NXPE4: variants seen among roughly 807,000 people sequenced by gnomAD.
NXPE4 encodes neurexophilin and PC-esterase domain family member 4.
NXPE4 carries 42 observed loss-of-function variants against 33.3 expected under a neutral mutation model. The ratio of observed to expected loss-of-function variants is 1.26; its 90% CI spans 0.98 to 1.63. NXPE4 has a LOEUF of 1.63. Ranked by LOEUF, NXPE4 falls within the 40% of genes most tolerant of loss-of-function variation. NXPE4 has a pLI of 0.00. For missense variants in NXPE4, 709 were observed against 647.6 expected (o/e 1.09, Z -1.03); for synonymous variants, 253 against 234.9 (o/e 1.08, Z -0.71).
the NXPE4 span, among the ~76,000 whole-genome samples, chr11:114,609,278 C>A: frequency 6.6e-6 from 1 of 151,890 alleles, no homozygotes; most frequent in African/African-American, 2.4e-5. Flanking sequence ...TCATTGGTAA[C>A]CACTGTTACC....
chr11:114,582,995 G>A lies in NXPE4; in HGVS notation c.123C>T (p.Ile41=). ...TKVWSALNLS[I]SLHYWNNSTK... ...TGGAGTTGTTCCAGTAATGGAGGGA[G>A]ATGGATAAGTTTAGAGCAGACCAAA... is the stretch of plus-strand genomic sequence containing the variant. Residue 41 remains isoleucine (I), a synonymous_variant, in exon 3 of 6, where the codon ATC becomes ATT. Transcript: ENST00000375478. 4 of 1,613,170 alleles carry A rather than the reference G, an allele frequency of 2.5e-6. No homozygotes were observed. The highest frequency in any genetic ancestry group is 3.4e-6 in the Non-Finnish European group (4 of 1,179,834).
At chr11:114,624,180 T>A in the NXPE4 span, among the ~76,000 whole-genome samples, 10 of 151,944 alleles carry the variant, frequency 6.6e-5, no homozygotes, top group Admixed American at 6.6e-4. Context: ...TGGTAGATAA[T>A]AACTATTGCC....
In NXPE4 at chr11:114,570,985, G is replaced by A. The variant is rs777122541; in HGVS notation, c.1588C>T (p.His530Tyr). The change falls in exon 6 of 6, where the codon CAT becomes TAT. Residue 530 changes from histidine to tyrosine, a missense_variant. Coordinates refer to ENST00000375478, the MANE Select transcript of NXPE4 (RefSeq NM_001077639.2). ...YGTNNVHPPQ[H>Y]VVGNQINILL... ...ATATTAATCTGATTTCCGACTACATGTTGAGGTGGGTGTACATTATTTGTG... is the reference window on the plus strand; with the variant it reads ...ATATTAATCTGATTTCCGACTACATATTGAGGTGGGTGTACATTATTTGTG... The A allele has an allele frequency of 6.2e-7, 1 of 1,611,222 alleles. No individual in the cohort carries two copies. The highest frequency in any genetic ancestry group is 1.1e-5 in the South Asian group (1 of 90,922).
the NXPE4 span, among the ~76,000 whole-genome samples, chr11:114,620,358 C>T: frequency 6.0e-5 from 9 of 151,158 alleles, no homozygotes; most frequent in East Asian, 2.0e-4. Flanking sequence ...CCACTGTTAC[C>T]GGTGGAAAAT....
the NXPE4 span, among the ~76,000 whole-genome samples, chr11:114,649,038 T>C: frequency 6.6e-6 from 1 of 152,170 alleles, no homozygotes; most frequent in Non-Finnish European, 1.5e-5. Context: ...ACAGTCCTTG[T>C]TTATGTAACT....
the NXPE4 span, among the ~76,000 whole-genome samples, chr11:114,601,645 A>AATTATAT: frequency 1.3e-5 from 1 of 76,000 alleles, no homozygotes. Flanking sequence ...AATTATATAT[A>AATTATAT]ATTATATATT....
At chr11:114,659,755 G>A in the NXPE4 span, among the ~76,000 whole-genome samples, 3 of 152,068 alleles carry the variant, frequency 2.0e-5, no homozygotes, top group African/African-American at 4.8e-5. Flanking sequence ...AATCTTTCAT[G>A]TTAAGAAACT....
the NXPE4 span, among the ~76,000 whole-genome samples, chr11:114,663,058 C>A: frequency 1.8e-4 from 28 of 152,282 alleles, no homozygotes; most frequent in East Asian, 5.0e-3. Flanking sequence ...CTGCACCAGA[C>A]AGGAGCCCAT....
the NXPE4 span, among the ~76,000 whole-genome samples, chr11:114,633,609 C>T: frequency 1.3e-5 from 2 of 151,116 alleles, no homozygotes; most frequent in East Asian, 3.9e-4. Context: ...GCTATCCCTC[C>T]CACCCTGCCC....
chr11:114,604,570 G>T, the NXPE4 span, among the ~76,000 whole-genome samples: 1 of 151,962 alleles, frequency 6.6e-6, no homozygotes, highest in Non-Finnish European at 1.5e-5. Flanking sequence ...TTACCTGGTG[G>T]ATGATAAATA....
chr11:114,633,363 T>C, the NXPE4 span, among the ~76,000 whole-genome samples: 13 of 143,662 alleles, frequency 9.0e-5, no homozygotes, highest in African/African-American at 2.5e-4. Flanking sequence ...TTATATATAC[T>C]ATATAATATA....
the NXPE4 span, among the ~76,000 whole-genome samples, chr11:114,674,158 G>A: frequency 1.3e-5 from 2 of 151,680 alleles, no homozygotes; most frequent in South Asian, 2.1e-4. Context: ...GAATTAAAAT[G>A]CCTTAGTAGT....
At chr11:114,643,378 T>G in the NXPE4 span, among the ~76,000 whole-genome samples, 15 of 152,146 alleles carry the variant, frequency 9.9e-5, no homozygotes, top group Non-Finnish European at 7.4e-5. Flanking sequence ...TCTAGTGTTT[T>G]TATAGCTTTA....
At chr11:114,573,254 T>C (rs1392472826) in intron 5 of NXPE4, among the ~76,000 whole-genome samples, 1 of 152,140 alleles carries the variant, frequency 6.6e-6, no homozygotes, top group African/African-American at 2.4e-5. Context: ...TAGAACCTCC[T>C]TAAAGCATAA....
At chr11:114,620,256 G>T in the NXPE4 span, among the ~76,000 whole-genome samples, 1 of 151,524 alleles carries the variant, frequency 6.6e-6, no homozygotes, top group Non-Finnish European at 1.5e-5. Context: ...TTATTGCCTC[G>T]TGGGTAACTA....
At chr11:114,639,878 T>A in the NXPE4 span, among the ~76,000 whole-genome samples, 1 of 57,610 alleles carries the variant, frequency 1.7e-5, no homozygotes, top group Non-Finnish European at 2.9e-5. Flanking sequence ...ATATTAAATA[T>A]AAAATATGTT....
Position 114,580,249 on chromosome 11 carries a change from C to A in NXPE4, c.982G>T (p.Val328Phe), listed in dbSNP as rs367898588. The A allele has an allele frequency of 6.2e-7, 1 of 1,614,000 alleles. No homozygotes were observed. The highest frequency in any genetic ancestry group is 8.5e-7 in the Non-Finnish European group (1 of 1,179,890). ...GHVWRNTWNP[V>F]SCSLATVKMK... ...TTGACTGTAGCCAAACTACAGGAGA[C>A]AGGATTCCATGTGTTTCTCCAGACA... Residue 328 changes from valine (V) to phenylalanine (F), a missense_variant, in exon 5 of 6, where the codon GTC becomes TTC. Physicochemically the swap from Val to Phe is conservative, Grantham distance 50. Coordinates refer to ENST00000375478, the MANE Select transcript of NXPE4 (RefSeq NM_001077639.2).
At chr11:114,654,694 C>T in the NXPE4 span, among the ~76,000 whole-genome samples, 23,849 of 152,110 alleles carry the variant, frequency 0.16, 2,167 homozygotes, top group South Asian at 0.2. Context: ...TGTATATATA[C>T]CATATTTTCT....
At chr11:114,607,396 T>A in the NXPE4 span, among the ~76,000 whole-genome samples, 1 of 152,090 alleles carries the variant, frequency 6.6e-6, no homozygotes, top group African/African-American at 2.4e-5. Flanking sequence ...GCCTCTTGGG[T>A]AACCACTGTT....
Sources: allele counts gnomAD v4.1 joint callset (sites outside exome capture counted in the v4.1 genomes callset), GRCh38; gene constraint gnomAD v4.1.1; transcripts MANE v1.5; gene names NCBI Gene and HGNC (gene_info 2026-07-23, HGNC 2026-07-21).